FAF1: variants seen among roughly 807,000 people sequenced by gnomAD.
FAF1 encodes the protein Fas associated factor 1.
A neutral mutation model predicts 92.5 loss-of-function variants in FAF1; 25 were observed. The ratio of observed to expected loss-of-function variants is 0.27; its 90% confidence interval spans 0.20 to 0.38. The LOEUF (loss-of-function observed/expected upper bound fraction) is 0.38. Ranked by LOEUF, FAF1 falls within the 10% of genes least tolerant of loss-of-function variation. The probability of loss-of-function intolerance (pLI) is 1.00; values close to 1 mark genes in which losing one functional copy is unlikely to be tolerated. For synonymous variants in FAF1, 234 were observed against 273.2 expected, an observed-to-expected ratio of 0.86 and a Z score of 1.42; for missense variants, 636 against 793.3, an observed-to-expected ratio of 0.80 and a Z score of 2.38.
chr1:50,816,021 C>T (rs1238827073), intron 2 of FAF1, among the ~76,000 whole-genome samples: 2 of 145,710 alleles, frequency 1.4e-5, no homozygotes, highest in East Asian at 2.0e-4. Context: ...AGTGAGATTC[C>T]GTCTTAAAAA....
chr1:50,850,014 G>A (rs1417552968), intron 2 of FAF1, among the ~76,000 whole-genome samples: 1 of 151,930 alleles, frequency 6.6e-6, no homozygotes, highest in East Asian at 1.9e-4. Context: ...ACAAAATAGT[G>A]TCAGGTGTCC....
intron 4 of FAF1, among the ~76,000 whole-genome samples, chr1:50,760,897 G>A (rs925996009): frequency 1.1e-4 from 16 of 152,006 alleles, no homozygotes; most frequent in Non-Finnish European, 2.1e-4. Context: ...ATGAATCCAG[G>A]AGCTGGTTTT....
chr1:50,944,944 C>T (rs1216044554), intron 1 of FAF1, among the ~76,000 whole-genome samples: 1 of 152,148 alleles, frequency 6.6e-6, no homozygotes, highest in Non-Finnish European at 1.5e-5. Context: ...CGAGATAATC[C>T]TTTTCTGGGG....
rs79556689 is a variant in FAF1, at chr1:50,779,388, G to A, written c.367+8612C>T. ...CAATGTACTTTGCCAAAATCCATCA[G>A]AAGAATCACTACATATGGCAGCTAC... On this transcript the variant is annotated intron_variant, in intron 4 of 18. Transcript: ENST00000396153. 8.0e-3 allele frequency among the ~76,000 whole-genome samples: 1,222 copies of A among 152,214 alleles called. 14 individuals are homozygous for A. The highest frequency in any genetic ancestry group is 0.028 in the African/African-American group (1,180 of 41,520).
rs539774571 is a variant in FAF1, at chr1:50,664,792, T to A, written c.658-9264A>T. 2.4e-5 allele frequency among the ~76,000 whole-genome samples: 3 copies of A among 126,642 alleles called. No homozygotes were observed. In the South Asian group the frequency reaches 6.9e-4, roughly 29 times the overall value. The allele number at this position is 126,642 out of a possible 152,430, so 83.1% of individuals were successfully genotyped here. ...CTGGGCGACAGAGCGAGACTCCGTC[T>A]CAAATAAACAAACAAACAAACAAAC... On this transcript the variant is annotated intron_variant, in intron 7 of 18. Transcript: ENST00000396153.
At chr1:50,744,918 G>A (rs1457238890) in intron 4 of FAF1, 143 bp from the exon 5 acceptor site, 10 of 474,990 alleles carry the variant, frequency 2.1e-5, no homozygotes, top group Non-Finnish European at 3.6e-5. Context: ...TCTATAAAAT[G>A]GGAAATAATA....
chr1:50,537,234 G>A (rs1201332568), intron 14 of FAF1, among the ~76,000 whole-genome samples: 1 of 152,158 alleles, frequency 6.6e-6, no homozygotes, highest in African/African-American at 2.4e-5. Context: ...TAGTTGTATA[G>A]GTTGACTACA....
chr1:50,943,982 T>C (rs1490188660), intron 1 of FAF1, among the ~76,000 whole-genome samples: 2 of 152,228 alleles, frequency 1.3e-5, no homozygotes, highest in Non-Finnish European at 2.9e-5. Context: ...CTCAGTTCAG[T>C]TCAGAACAGT....
intron 1 of FAF1, among the ~76,000 whole-genome samples, chr1:50,911,422 G>A (rs891989105): frequency 1.1e-4 from 17 of 151,416 alleles, no homozygotes; most frequent in African/African-American, 3.4e-4. Flanking sequence ...CTGGCTGGGC[G>A]CGGTGGCTCA....
At chr1:50,777,417 T>A (rs940367644) in intron 4 of FAF1, among the ~76,000 whole-genome samples, 1 of 152,152 alleles carries the variant, frequency 6.6e-6, no homozygotes, top group Non-Finnish European at 1.5e-5. Context: ...AGCAAGACTC[T>A]GTCACTTAAG....
intron 1 of FAF1, among the ~76,000 whole-genome samples, chr1:50,914,383 T>A (rs1182304416): frequency 6.6e-6 from 1 of 152,224 alleles, no homozygotes; most frequent in African/African-American, 2.4e-5. Context: ...AATGCTACTC[T>A]CTAATTCTCT....
At chr1:50,724,104 C>A (rs1397920825) in intron 6 of FAF1, among the ~76,000 whole-genome samples, 2 of 152,048 alleles carry the variant, frequency 1.3e-5, no homozygotes, top group African/African-American at 2.4e-5. Flanking sequence ...TGGCACATGC[C>A]TGTAGTTAGT....
At chr1:50,558,110 G>A (rs189898311) in intron 13 of FAF1, among the ~76,000 whole-genome samples, 71 of 152,084 alleles carry the variant, frequency 4.7e-4, no homozygotes, top group Non-Finnish European at 9.3e-4. Context: ...TGTTGGCCAG[G>A]CTGGTCTTGA....
chr1:50,728,494 A>C (rs1343775163), intron 6 of FAF1, among the ~76,000 whole-genome samples: 1 of 152,160 alleles, frequency 6.6e-6, no homozygotes, highest in Non-Finnish European at 1.5e-5. Flanking sequence ...AGTGTAATAG[A>C]AAGCTAGTGG....
At chr1:50,476,482 C>A (rs1471656325) in intron 17 of FAF1, among the ~76,000 whole-genome samples, 1 of 152,164 alleles carries the variant, frequency 6.6e-6, no homozygotes, top group Admixed American at 6.5e-5. Flanking sequence ...GGTCTCATGG[C>A]TAGCGTGGGC....
intron 15 of FAF1, among the ~76,000 whole-genome samples, chr1:50,503,443 C>T (rs1647016316): frequency 6.6e-6 from 1 of 151,928 alleles, no homozygotes; most frequent in African/African-American, 2.4e-5. Context: ...CACAGCAAGA[C>T]CCCTGACTCT....
intron 1 of FAF1, among the ~76,000 whole-genome samples, chr1:50,932,528 C>T (rs2124745961): frequency 6.6e-6 from 1 of 152,352 alleles, no homozygotes; most frequent in East Asian, 1.9e-4. Context: ...GGTGGGTTCC[C>T]ATGGTCTTGG....
At chr1:50,840,214 C>G (rs563942343) in intron 2 of FAF1, among the ~76,000 whole-genome samples, 1 of 151,944 alleles carries the variant, frequency 6.6e-6, no homozygotes, top group African/African-American at 2.4e-5. Context: ...GGATTTCCCA[C>G]AGAGGATACG....
intron 15 of FAF1, among the ~76,000 whole-genome samples, chr1:50,493,221 T>C (rs765719860): frequency 6.6e-5 from 10 of 151,920 alleles, no homozygotes; most frequent in Non-Finnish European, 1.5e-4. Flanking sequence ...TTAGTAGAGA[T>C]GGGGTTTCAC....
Sources: allele counts gnomAD v4.1 joint callset (sites outside exome capture counted in the v4.1 genomes callset), GRCh38; gene constraint gnomAD v4.1.1; transcripts MANE v1.5; gene names NCBI Gene and HGNC (gene_info 2026-07-23, HGNC 2026-07-21).